Variants in XRRA1 observed in about 807,000 individuals in gnomAD.
The protein encoded by XRRA1 is X-ray radiation resistance associated 1, also known as X-ray radiation resistance-associated protein 1.
A neutral mutation model predicts 80.2 loss-of-function variants in XRRA1; 69 were observed. That is an observed-to-expected ratio of 0.86 (90% CI 0.71 to 1.05). XRRA1 has a LOEUF of 1.05. Ranked by LOEUF, XRRA1 falls within the 50% of genes least tolerant of loss-of-function variation. The pLI is 0.00. For missense variants in XRRA1, 967 were observed against 976.4 expected, an observed-to-expected ratio of 0.99 and a Z score of 0.13; for synonymous variants, 348 against 389.9, an observed-to-expected ratio of 0.89 and a Z score of 1.27.
intron 7 of XRRA1, among the ~76,000 whole-genome samples, chr11:74,925,057 G>T (rs1237912851): frequency 2.0e-5 from 3 of 152,170 alleles, no homozygotes; most frequent in Non-Finnish European, 4.4e-5. Context: ...TTTAATGTAG[G>T]ATCCGAATTT....
At chr11:74,851,292 CATGT>C in intron 13 of XRRA1, 89 bp from the exon 14 acceptor site, 1 of 944,690 alleles carries the variant, frequency 1.1e-6, no homozygotes. Flanking sequence ...AATTGCTTTA[CATGT>C]ATTACTGAAA....
At chr11:74,859,413 T>C (rs1214932859) in intron 11 of XRRA1, 130 bp from the exon 12 acceptor site, 7 of 1,035,026 alleles carry the variant, frequency 6.8e-6, no homozygotes, top group Non-Finnish European at 8.2e-6. Context: ...AAAAGAGACA[T>C]GTAGGGTCAT....
chr11:74,930,443 G>A, intron 5 of XRRA1, 71 bp from the exon 6 acceptor site: 1 of 1,218,076 alleles, frequency 8.2e-7, no homozygotes, highest in African/African-American at 1.5e-5. Context: ...CCTTGCTGAA[G>A]CTTCAGGGCC....
intron 12 of XRRA1, among the ~76,000 whole-genome samples, chr11:74,857,301 G>A (rs1309088036): frequency 3.3e-5 from 5 of 151,758 alleles, no homozygotes; most frequent in African/African-American, 1.2e-4. Flanking sequence ...TAAATGGACA[G>A]AAAGAGATAC....
rs2135225325 is a variant in XRRA1 at position 74,842,863 on chromosome 11, A to G, written c.*337T>C. ...CAGTTTCTCATACAACAGAGAACAA[A>G]TGTATCCCTGTTGCATCTGAACTGG... is the stretch of plus-strand genomic sequence containing the variant. On this transcript the variant is annotated 3_prime_UTR_variant, in exon 19 of 19. Coordinates refer to ENST00000684022, the MANE Select transcript of XRRA1 (RefSeq NM_001378157.1). 3.2e-6 allele frequency: 1 copy of G among 307,800 alleles called. No homozygotes were observed. The highest frequency in any genetic ancestry group is 6.1e-5 in the East Asian group (1 of 16,356). 19.1% of individuals were successfully genotyped at this position (307,800 alleles called of 1,614,324 possible). A position where few individuals can be genotyped will look rare whatever the true frequency, so the allele number is the denominator to read the frequency against.
In XRRA1 at chr11:74,843,914, G is replaced by T; in HGVS notation, c.2089C>A (p.Leu697Ile). ...AAGCGAATGAAGATGTCATCCAGAA[G>T]TTGGGCTCTAGTCTTCTTTGGGGGT... ...IPPPKKTRAQ[L>I]LDDIFIRLRD... The change falls in exon 18 of 19, where the codon CTT becomes ATT. Residue 697 changes from leucine to isoleucine, a missense_variant. Physicochemically the swap from Leu to Ile is conservative, Grantham distance 5 (BLOSUM62 2). Coordinates refer to ENST00000684022, the MANE Select transcript of XRRA1 (RefSeq NM_001378157.1). 6.2e-7 allele frequency: 1 copy of T among 1,613,740 alleles called. No individual in the cohort carries two copies. The highest frequency in any genetic ancestry group is 1.3e-5 in the African/African-American group (1 of 75,058).
At chr11:74,917,295 G>C (rs2138727011) in intron 8 of XRRA1, among the ~76,000 whole-genome samples, 1 of 152,318 alleles carries the variant, frequency 6.6e-6, no homozygotes, top group Non-Finnish European at 1.5e-5. Flanking sequence ...TGAACCATGA[G>C]ATTGGGAGTT....
chr11:74,841,401 T>G lies in XRRA1; in HGVS notation c.*1799A>C. On this transcript the variant is annotated 3_prime_UTR_variant, in exon 19 of 19. Coordinates refer to ENST00000684022, the MANE Select transcript of XRRA1 (RefSeq NM_001378157.1). ...ATACATGATTGTTAGCTGCTGTAGC[T>G]TTCTGAAGAAGATTGTAGAAAAGAG... 1 of 152,210 alleles carries G rather than the reference T, an allele frequency of 6.6e-6. No homozygotes were observed. The highest frequency in any genetic ancestry group is 1.9e-4 in the East Asian group (1 of 5,198). The allele number at this position is 152,210 out of a possible 1,614,324, so 9.4% of individuals were successfully genotyped here. A position where few individuals can be genotyped will look rare whatever the true frequency, so the allele number is the denominator to read the frequency against.
intron 2 of XRRA1, among the ~76,000 whole-genome samples, chr11:74,941,309 G>T (rs1946293887): frequency 6.6e-6 from 1 of 152,182 alleles, no homozygotes; most frequent in Non-Finnish European, 1.5e-5. Context: ...TATTAAGTCT[G>T]TGCTAGATGT....
At chr11:74,901,449 T>C (rs1393136662) in intron 10 of XRRA1, among the ~76,000 whole-genome samples, 1 of 152,114 alleles carries the variant, frequency 6.6e-6, no homozygotes, top group African/African-American at 2.4e-5. Flanking sequence ...ATCTTAAAAT[T>C]TATATGGAAC....
At chr11:74,886,945 T>G (rs2049178001) in intron 10 of XRRA1, among the ~76,000 whole-genome samples, 2 of 152,182 alleles carry the variant, frequency 1.3e-5, no homozygotes, top group South Asian at 4.1e-4. Context: ...TTGACAAAGT[T>G]GATGAACATA....
At chr11:74,911,984 A>T (rs1323068544) in intron 8 of XRRA1, among the ~76,000 whole-genome samples, 1 of 152,200 alleles carries the variant, frequency 6.6e-6, no homozygotes, top group African/African-American at 2.4e-5. Flanking sequence ...AAATTAACCA[A>T]AACTAAACCT....
At chr11:74,865,067 C>T (rs1199174891) in intron 10 of XRRA1, among the ~76,000 whole-genome samples, 1 of 151,972 alleles carries the variant, frequency 6.6e-6, no homozygotes, top group African/African-American at 2.4e-5. Flanking sequence ...GGAGAATTAT[C>T]CTATCTGTGC....
chr11:74,882,618 G>GT (rs2047938048), intron 10 of XRRA1, among the ~76,000 whole-genome samples: 1 of 152,208 alleles, frequency 6.6e-6, no homozygotes, highest in Non-Finnish European at 1.5e-5. Flanking sequence ...TTTCTGTTGT[G>GT]TTTTTTCCCC....
chr11:74,870,834 C>A (rs73496919), intron 10 of XRRA1, among the ~76,000 whole-genome samples: 1 of 152,108 alleles, frequency 6.6e-6, no homozygotes, highest in African/African-American at 2.4e-5. Context: ...GAGGAAAATG[C>A]CCTCCAAAAC....
At chr11:74,851,066 A>T in intron 14 of XRRA1, 22 bp downstream of exon 14, 1 of 1,589,034 alleles carries the variant, frequency 6.3e-7, no homozygotes, top group Non-Finnish European at 8.6e-7. Flanking sequence ...TGGGGGTGGG[A>T]GTCCTGCCTT....
At chr11:74,846,417 TAA>T (rs1184789757) in intron 15 of XRRA1, among the ~76,000 whole-genome samples, 1 of 152,018 alleles carries the variant, frequency 6.6e-6, no homozygotes, top group East Asian at 1.9e-4. Flanking sequence ...TTCCAAAAAT[TAA>T]AAGAGGCTTA....
chr11:74,848,647 T>A (rs2038957865), intron 14 of XRRA1, among the ~76,000 whole-genome samples, 185 bp from the exon 15 acceptor site: 1 of 152,236 alleles, frequency 6.6e-6, no homozygotes, highest in Non-Finnish European at 1.5e-5. Flanking sequence ...TAAGTTGTTT[T>A]ATTTCTACCT....
At chr11:74,934,153 G>A (rs1393163053) in intron 4 of XRRA1, among the ~76,000 whole-genome samples, 1 of 152,100 alleles carries the variant, frequency 6.6e-6, no homozygotes, top group Non-Finnish European at 1.5e-5. Flanking sequence ...TCTTTTTAAT[G>A]AGAAAAACAA....
Sources: gnomAD v4.1 joint callset for allele counts (sites outside exome capture counted in the v4.1 genomes callset) on GRCh38, gnomAD v4.1.1 for gene constraint, MANE v1.5 for transcripts, NCBI Gene and HGNC (gene_info 2026-07-23, HGNC 2026-07-21) for gene names.